CFAP300: variants seen among roughly 807,000 people sequenced by gnomAD.
The protein encoded by CFAP300 is cilia- and flagella-associated protein 300.
A neutral mutation model predicts 33.0 loss-of-function variants in CFAP300; 32 were observed. The observed-to-expected ratio is 0.97, with a 90% CI of 0.73 to 1.30. The LOEUF is 1.30. Among genes scored for constraint, CFAP300 ranks in the 50% most tolerant of loss-of-function variants. CFAP300 has a pLI of 0.00. For synonymous variants in CFAP300, 102 were observed against 106.8 expected (o/e 0.95, Z 0.28); for missense variants, 356 against 318.1 (o/e 1.12, Z -0.90).
chr11:102,049,986 A>G (rs1941945243), intron 2 of CFAP300, among the ~76,000 whole-genome samples: 1 of 152,012 alleles, frequency 6.6e-6, no homozygotes, highest in Non-Finnish European at 1.5e-5. Flanking sequence ...TCCTGTGGCT[A>G]TTTTTTAAAA....
intron 2 of CFAP300, among the ~76,000 whole-genome samples, chr11:102,052,211 T>C (rs1941982125): frequency 6.6e-6 from 1 of 152,210 alleles, no homozygotes; most frequent in Non-Finnish European, 1.5e-5. Flanking sequence ...CCATTTATAA[T>C]GACATCTAAC....
intron 2 of CFAP300, among the ~76,000 whole-genome samples, chr11:102,048,447 C>T (rs565959793): frequency 2.6e-5 from 4 of 152,080 alleles, no homozygotes; most frequent in Non-Finnish European, 5.9e-5. Flanking sequence ...CTTGAATCCC[C>T]GGGCTCCCAA....
intron 6 of CFAP300, among the ~76,000 whole-genome samples, chr11:102,082,384 A>C (rs1307890230): frequency 6.6e-6 from 1 of 152,098 alleles, no homozygotes; most frequent in African/African-American, 2.4e-5. Flanking sequence ...AACTCCAAAA[A>C]AAATTTAAAA....
At chr11:102,078,739 C>T (rs1368818514) in intron 5 of CFAP300, among the ~76,000 whole-genome samples, 2 of 151,956 alleles carry the variant, frequency 1.3e-5, no homozygotes, top group Non-Finnish European at 2.9e-5. Flanking sequence ...GATGGAGTCT[C>T]ACTCTATCGC....
intron 5 of CFAP300, among the ~76,000 whole-genome samples, chr11:102,076,286 T>C (rs1942394208): frequency 6.6e-6 from 1 of 152,238 alleles, no homozygotes; most frequent in Non-Finnish European, 1.5e-5. Context: ...TCTGCTTTTT[T>C]CCTCATTCAG....
chr11:102,073,692 T>A lies in CFAP300; in HGVS notation c.436-2181T>A, dbSNP rs1942351431. ...GGCTGCAGCCACTGGCAGGCGGCTC[T>A]TGGGTTCTGGAGAGCACACATTTCA... On this transcript the variant is annotated intron_variant, in intron 4 of 6. Coordinates refer to ENST00000434758, the MANE Select transcript of CFAP300 (RefSeq NM_032930.3). Among the ~76,000 whole-genome samples, 8 of 152,132 alleles carry A rather than the reference T, an allele frequency of 5.3e-5. No homozygotes were observed. In the South Asian group the frequency reaches 1.7e-3, roughly 32 times the overall value.
intron 2 of CFAP300, among the ~76,000 whole-genome samples, chr11:102,050,432 G>A (rs1941951821): frequency 6.6e-6 from 1 of 152,164 alleles, no homozygotes; most frequent in Admixed American, 6.5e-5. Flanking sequence ...TAGAATTCCA[G>A]ATTTTGAATT....
intron 4 of CFAP300, among the ~76,000 whole-genome samples, chr11:102,069,942 G>A (rs1371497991): frequency 6.6e-6 from 1 of 152,170 alleles, no homozygotes; most frequent in Non-Finnish European, 1.5e-5. Flanking sequence ...ACTCCAGCCT[G>A]AGTAACAGAG....
intron 4 of CFAP300, among the ~76,000 whole-genome samples, chr11:102,072,571 G>T (rs567127761): frequency 2.0e-5 from 3 of 152,016 alleles, no homozygotes; most frequent in African/African-American, 7.2e-5. Context: ...CCAAAGTTTT[G>T]GGATTACAGG....
chr11:102,052,641 C>G (rs1941988419), intron 2 of CFAP300, among the ~76,000 whole-genome samples: 1 of 152,188 alleles, frequency 6.6e-6, no homozygotes, highest in East Asian at 1.9e-4. Context: ...CTTCTCTGTT[C>G]TCTTTCTTGT....
chr11:102,080,794 G>A (rs1431362494), intron 5 of CFAP300, among the ~76,000 whole-genome samples: 1 of 152,146 alleles, frequency 6.6e-6, no homozygotes, highest in Non-Finnish European at 1.5e-5. Context: ...TTGAGTCTCA[G>A]AAAGGTTAAT....
rs1289851815 is a variant in CFAP300, at chr11:102,083,178, T to C, written c.783T>C (p.Tyr261=). ...ACCTTCATGTTTTATACCACTGTTA[T>C]GGTGTGGGAGACATGTCTTAATGTT... ...RRHLHVLYHC[Y]GVGDMS is the part of the protein sequence containing the mutation. Residue 261 remains tyrosine, a synonymous_variant, in exon 7 of 7, where the codon TAT becomes TAC. Coordinates refer to ENST00000434758, the MANE Select transcript of CFAP300 (RefSeq NM_032930.3). 8 of 1,535,932 alleles carry C rather than the reference T, an allele frequency of 5.2e-6. No homozygotes were observed. Among genetic ancestry groups the C allele is most frequent in the Non-Finnish European group, 7.0e-6 (8 of 1,137,304 alleles).
At chr11:102,050,861 G>C (rs908172795) in intron 2 of CFAP300, among the ~76,000 whole-genome samples, 5 of 152,204 alleles carry the variant, frequency 3.3e-5, no homozygotes, top group African/African-American at 1.2e-4. Context: ...GGCTAAGAAG[G>C]AGAAGTTTTT....
At chr11:102,070,623 C>A (rs1235045346) in intron 4 of CFAP300, among the ~76,000 whole-genome samples, 1 of 151,896 alleles carries the variant, frequency 6.6e-6, no homozygotes, top group African/African-American at 2.4e-5. Flanking sequence ...TTTTTAGTTT[C>A]TTGAGGTGCA....
chr11:102,065,870 A>G (rs1942216591), intron 3 of CFAP300, among the ~76,000 whole-genome samples: 1 of 152,240 alleles, frequency 6.6e-6, no homozygotes, highest in Admixed American at 6.5e-5. Context: ...TAATATATGC[A>G]TTAAGAATCC....
At position 102,066,651 on chromosome 11, in the gene CFAP300, A is replaced by T; in HGVS notation, c.435A>T (p.Arg145Ser). Residue 145 changes from arginine (R) to serine (S), a missense_variant and splice_region_variant, in exon 4 of 7, where the codon AGA (arginine) becomes AGT (serine). Arg to Ser is a moderately radical substitution (Grantham distance 110, BLOSUM62 -1). Coordinates refer to ENST00000434758, the MANE Select transcript of CFAP300 (RefSeq NM_032930.3). The part of the protein sequence containing the change: ...DPFLISDELR[R>S]VLLVEDSEKY... ...TTCTCATTTCTGATGAGTTACGAAGAGTAAGTACAGAATTTTAAAATTTCG... is the reference window on the plus strand; with the variant it reads ...TTCTCATTTCTGATGAGTTACGAAGTGTAAGTACAGAATTTTAAAATTTCG... 6.3e-7 allele frequency: 1 copy of T among 1,590,280 alleles called. No homozygotes were observed. The highest frequency in any genetic ancestry group is 1.2e-5 in the South Asian group (1 of 84,752).
At chr11:102,050,759 T>C (rs1471675697) in intron 2 of CFAP300, among the ~76,000 whole-genome samples, 1 of 152,184 alleles carries the variant, frequency 6.6e-6, no homozygotes, top group East Asian at 1.9e-4. Flanking sequence ...ATTCATCAGG[T>C]AGATGAAGTG....
At chr11:102,054,909 A>G (rs988933597) in intron 2 of CFAP300, among the ~76,000 whole-genome samples, 2 of 151,088 alleles carry the variant, frequency 1.3e-5, no homozygotes, top group African/African-American at 2.4e-5. Context: ...ATCCCAATCT[A>G]CTCCTACTCC....
intron 2 of CFAP300, among the ~76,000 whole-genome samples, chr11:102,054,016 T>G (rs910308672): frequency 1.3e-5 from 2 of 152,246 alleles, no homozygotes; most frequent in Non-Finnish European, 2.9e-5. Flanking sequence ...AGAGCCTGAT[T>G]GCTAGACTTT....
Sources: gnomAD v4.1 joint callset for allele counts (sites outside exome capture counted in the v4.1 genomes callset) on GRCh38, gnomAD v4.1.1 for gene constraint, MANE v1.5 for transcripts, NCBI Gene and HGNC (gene_info 2026-07-23, HGNC 2026-07-21) for gene names.